The following HMCN1 variants were observed in gnomAD, a reference collection of about 807,000 sequenced individuals.
The protein encoded by HMCN1 is hemicentin 1.
Under a neutral mutation model 625.9 loss-of-function variants are expected in HMCN1, and 321 were observed. The ratio of observed to expected loss-of-function variants is 0.51; its 90% CI spans 0.47 to 0.56. The LOEUF is 0.56. Among genes scored for constraint, HMCN1 ranks in the 20% least tolerant of loss-of-function variants. The pLI is 0.00. For synonymous variants in HMCN1, 2,425 were observed against 2,417.6 expected (o/e 1.00, Z -0.09); for missense variants, 6,588 against 6,887.3 (o/e 0.96, Z 1.54).
intron 105 of HMCN1, among the ~76,000 whole-genome samples, chr1:186,187,030 ACACACACG>A (rs1322255161): frequency 1.4e-5 from 2 of 143,364 alleles, no homozygotes; most frequent in East Asian, 1.9e-4. Context: ...ACACACACAC[ACACACACG>A]CATGCAAACA....
intron 1 of HMCN1, among the ~76,000 whole-genome samples, chr1:185,790,502 T>A (rs73070522): frequency 0.09 from 13,722 of 152,234 alleles, 1,994 homozygotes; most frequent in African/African-American, 0.31. Context: ...TGTGACTCTT[T>A]CTCTCTGCAT....
intron 104 of HMCN1, among the ~76,000 whole-genome samples, chr1:186,179,900 G>A (rs1407434): frequency 0.17 from 26,198 of 151,816 alleles, 3,304 homozygotes; most frequent in East Asian, 0.54. Context: ...CAGTCCCTCT[G>A]GACACTCAAA....
At chr1:185,858,556 TATATG>T (rs1662623865) in intron 2 of HMCN1, among the ~76,000 whole-genome samples, 2 of 55,204 alleles carry the variant, frequency 3.6e-5, no homozygotes, top group African/African-American at 5.7e-4. Flanking sequence ...ACGTGCCAGC[TATATG>T]CCTATATGCC....
At chr1:185,763,300 C>T (rs1204338128) in intron 1 of HMCN1, among the ~76,000 whole-genome samples, 3 of 151,758 alleles carry the variant, frequency 2.0e-5, no homozygotes, top group African/African-American at 7.3e-5. Flanking sequence ...GGGAAAATTC[C>T]AAGGGTGAAG....
chr1:185,911,129 A>G (rs1258312818), intron 5 of HMCN1, among the ~76,000 whole-genome samples: 2 of 152,158 alleles, frequency 1.3e-5, no homozygotes, highest in Non-Finnish European at 2.9e-5. Context: ...CACTTTGTGT[A>G]AAGATATGCC....
intron 95 of HMCN1, among the ~76,000 whole-genome samples, chr1:186,152,343 G>A (rs1650726653): frequency 6.6e-6 from 1 of 152,192 alleles, no homozygotes; most frequent in Non-Finnish European, 1.5e-5. Flanking sequence ...AATCAGTGGA[G>A]AAGACAATTG....
chr1:185,950,929 C>A (rs1271685045), intron 11 of HMCN1, among the ~76,000 whole-genome samples: 9 of 151,024 alleles, frequency 6.0e-5, no homozygotes, highest in African/African-American at 2.2e-4. Context: ...GGTTTTAGGA[C>A]AGGTAAAATG....
intron 89 of HMCN1, among the ~76,000 whole-genome samples, chr1:186,139,462 CTATA>C (rs1356439680): frequency 2.0e-5 from 3 of 152,194 alleles, no homozygotes; most frequent in Non-Finnish European, 4.4e-5. Flanking sequence ...TCTATAATAA[CTATA>C]TAATAACTAA....
intron 29 of HMCN1, among the ~76,000 whole-genome samples, chr1:186,005,171 G>T: frequency 1.4e-5 from 2 of 144,958 alleles, no homozygotes; most frequent in African/African-American, 2.5e-5. Flanking sequence ...TTTTTTAATT[G>T]TTTATAAATG....
At chr1:185,761,036 G>T (rs897231628) in intron 1 of HMCN1, among the ~76,000 whole-genome samples, 55 of 152,092 alleles carry the variant, frequency 3.6e-4, no homozygotes, top group African/African-American at 1.3e-3. Context: ...CCAGTAGAAA[G>T]TGGGTATGAG....
rs1370900420 is a variant in HMCN1, at chr1:186,048,687, T to TA, written c.6481-50dup. The TA allele has an allele frequency of 2.5e-5, 26 of 1,057,162 alleles. No homozygotes were observed. In the East Asian group the frequency reaches 6.0e-4, roughly 24 times the overall value. The allele number at this position is 1,057,162 out of a possible 1,614,324, so 65.5% of individuals were successfully genotyped here. A position where few individuals can be genotyped will look rare whatever the true frequency, so the allele number is the denominator to read the frequency against. On this transcript the variant is annotated intron_variant, in intron 41 of 106. Transcript: ENST00000271588. The stretch of plus-strand genomic sequence containing the variant: ...GAAATAGATCACAAATAGTATTAAT[T>TA]AAAAAACCCCAAGTGAAATAGAAAG...
chr1:186,086,817 TAGA>T lies in HMCN1; in HGVS notation c.9047-399_9047-397del, dbSNP rs1558210961. Among the ~76,000 whole-genome samples, 9 of 3,846 alleles carry T rather than the reference TAGA, an allele frequency of 2.3e-3. No homozygotes were observed. The East Asian group carries it at 0.043, about 18-fold the overall frequency. 2.5% of individuals were successfully genotyped at this position (3,846 alleles called of 152,430 possible). ...AGATGATAGATAGATAGATAGATGA[TAGA>T]TAGATAGATAGATAGATAGATAGAT... On this transcript the variant is annotated intron_variant, in intron 58 of 106. Coordinates refer to ENST00000271588, the MANE Select transcript of HMCN1 (RefSeq NM_031935.3).
At position 186,136,729 on chromosome 1, in the gene HMCN1, A is replaced by G; in HGVS notation, c.13374A>G (p.Ile4458Met). 1 of 1,614,026 alleles carries G rather than the reference A, an allele frequency of 6.2e-7. No individual in the cohort carries two copies. Among genetic ancestry groups the G allele is most frequent in the South Asian group, 1.1e-5 (1 of 91,076 alleles). ...ETVINAGGKIILNCQATGEPQ... is the reference protein window; with the variant it reads ...ETVINAGGKIMLNCQATGEPQ... ...TTATTAATGCTGGTGGCAAAATCAT[A>G]TTGAATTGTCAGGCAACTGGAGAGC... is the stretch of plus-strand genomic sequence containing the variant. Residue 4458 changes from isoleucine (I) to methionine (M), a missense_variant, in exon 87 of 107, where the codon ATA (isoleucine) becomes ATG (methionine). By Grantham distance (10) the Ile-to-Met change is conservative. This residue lies in a region of HMCN1 where 1,954 missense variants were observed against 2,013.1 expected (regional missense o/e 0.97). Transcript: ENST00000271588.
chr1:185,876,946 A>G (rs1284573658), intron 4 of HMCN1, among the ~76,000 whole-genome samples: 3 of 151,804 alleles, frequency 2.0e-5, no homozygotes, highest in African/African-American at 4.8e-5. Flanking sequence ...GGATTTTTAC[A>G]TTTGCTTTTG....
chr1:186,151,280 A>G lies in HMCN1; in HGVS notation c.14689A>G (p.Ile4897Val). ...TGGAATTGCTTTCCTTAATGCCACA[A>G]TAACTGATAGCCCTAACTCTGATAC... Reference protein sequence around the residue: ...EFGIAFLNATITDSPNSDTRI... With the variant: ...EFGIAFLNATVTDSPNSDTRI... Residue 4897 changes from isoleucine to valine, a missense_variant, in exon 94 of 107, where the codon ATA becomes GTA. Physicochemically the swap from Ile to Val is conservative, Grantham distance 29. Coordinates refer to ENST00000271588, the MANE Select transcript of HMCN1 (RefSeq NM_031935.3). The G allele has an allele frequency of 6.2e-7, 1 of 1,613,508 alleles. No individual in the cohort carries two copies. Among genetic ancestry groups the G allele is most frequent in the Non-Finnish European group, 8.5e-7 (1 of 1,179,438 alleles).
At chr1:185,840,600 G>T (rs867901609) in intron 1 of HMCN1, among the ~76,000 whole-genome samples, 6 of 152,120 alleles carry the variant, frequency 3.9e-5, no homozygotes, top group Admixed American at 6.6e-5. Context: ...TTTGGACACA[G>T]AAAATTTACT....
At chr1:186,129,518 C>T (rs570469611) in intron 83 of HMCN1, among the ~76,000 whole-genome samples, 47 of 152,042 alleles carry the variant, frequency 3.1e-4, no homozygotes, top group African/African-American at 9.9e-4. Flanking sequence ...TAATTTTCCC[C>T]TTTGACCTGC....
At chr1:186,103,197 G>A (rs977911195) in intron 68 of HMCN1, among the ~76,000 whole-genome samples, 1 of 152,014 alleles carries the variant, frequency 6.6e-6, no homozygotes, top group African/African-American at 2.4e-5. Context: ...TCAGTCAAGT[G>A]AGACTGTTCT....
chr1:185,753,630 C>T (rs1022043361), intron 1 of HMCN1, among the ~76,000 whole-genome samples: 1 of 152,084 alleles, frequency 6.6e-6, no homozygotes, highest in African/African-American at 2.4e-5. Context: ...AAGTTTTGAT[C>T]TGTTGTATTT....
Sources: allele counts gnomAD v4.1 joint callset (sites outside exome capture counted in the v4.1 genomes callset), GRCh38; gene constraint gnomAD v4.1.1; regional missense constraint gnomAD v4.1.1; transcripts MANE v1.5; gene names NCBI Gene and HGNC (gene_info 2026-07-23, HGNC 2026-07-21).